Variants in HEATR9 observed in about 807,000 individuals in gnomAD.
HEATR9 encodes the protein HEAT repeat containing 9.
HEATR9 carries 54 observed loss-of-function variants against 68.2 expected under a neutral mutation model. The ratio of observed to expected loss-of-function variants is 0.79; its 90% CI spans 0.64 to 0.99. HEATR9 has a LOEUF of 0.99. Ranked by LOEUF, HEATR9 falls within the 50% of genes least tolerant of loss-of-function variation. HEATR9 has a pLI of 0.00. For missense variants in HEATR9, 662 were observed against 679.7 expected (o/e 0.97, Z 0.29); for synonymous variants, 241 against 253.5 (o/e 0.95, Z 0.47).
In HEATR9 at chr17:35,855,269, G is replaced by T. The variant is rs144205310; in HGVS notation, c.1507C>A (p.Pro503Thr). ...AAGTCTTGAATAGTTAACTCTTCTG[G>T]GTTCTCAGGCTCTTTCTGGAACCTT... ...PTRFQKEPEN[P>T]EELTIQDFRL... Residue 503 changes from proline (P) to threonine (T), a missense_variant, in exon 15 of 15, where the codon CCA becomes ACA. Physicochemically the swap from Pro to Thr is conservative, Grantham distance 38 (BLOSUM62 -1). Transcript: ENST00000604834. 2.0e-5 allele frequency: 32 copies of T among 1,614,132 alleles called. No individual in the cohort carries two copies. The highest frequency in any genetic ancestry group is 1.6e-4 in the Middle Eastern group (1 of 6,062).
chr17:35,861,330 G>A, intron 8 of HEATR9: 1 of 1,455,174 alleles, frequency 6.9e-7, no homozygotes, highest in Non-Finnish European at 9.6e-7. Flanking sequence ...GCTAGTATTT[G>A]ATAGGTTCAT....
intron 14 of HEATR9, 65 bp downstream of exon 14, chr17:35,855,599 T>A: frequency 1.4e-6 from 2 of 1,472,520 alleles, no homozygotes. Flanking sequence ...GGTGGTGAGA[T>A]AGGTGGGAGA....
intron 11 of HEATR9, among the ~76,000 whole-genome samples, chr17:35,857,209 G>C (rs2143884569): frequency 6.6e-6 from 1 of 152,274 alleles, no homozygotes; most frequent in Middle Eastern, 3.4e-3. Flanking sequence ...TCAGAGAGGT[G>C]ACCAAATGGA....
At chr17:35,859,685 C>T (rs899367587) in intron 8 of HEATR9, among the ~76,000 whole-genome samples, 1 of 152,242 alleles carries the variant, frequency 6.6e-6, no homozygotes, top group Non-Finnish European at 1.5e-5. Context: ...CAGTCCAACT[C>T]TCTACTTTGT....
chr17:35,866,267 A>G (rs986371618), intron 2 of HEATR9, among the ~76,000 whole-genome samples: 2 of 152,016 alleles, frequency 1.3e-5, no homozygotes, highest in African/African-American at 4.8e-5. Context: ...GCTCCCAAAC[A>G]AAAAAATACA....
chr17:35,861,443 T>C, intron 8 of HEATR9: 1 of 1,601,860 alleles, frequency 6.2e-7, no homozygotes, highest in South Asian at 1.1e-5. Context: ...TTGCGCTTCT[T>C]TTTAAAGTTT....
chr17:35,865,506 C>G, intron 2 of HEATR9, 110 bp from the exon 3 acceptor site: 2 of 720,790 alleles, frequency 2.8e-6, no homozygotes, highest in Non-Finnish European at 4.6e-6. Flanking sequence ...AACAGATGCC[C>G]TCTAGCCTCT....
intron 1 of HEATR9, 63 bp from the exon 2 acceptor site, chr17:35,866,836 G>A: frequency 1.3e-6 from 2 of 1,533,076 alleles, no homozygotes; most frequent in South Asian, 1.1e-5. Context: ...GGCCAGGCTT[G>A]GTGGCTTCTG....
intron 2 of HEATR9, 140 bp from the exon 3 acceptor site, chr17:35,865,536 G>T: frequency 1.6e-6 from 1 of 618,898 alleles, no homozygotes; most frequent in Non-Finnish European, 2.8e-6. Flanking sequence ...TGGAGTCACA[G>T]CTACCACCTA....
At chr17:35,863,700 A>C (rs1015183993) in intron 6 of HEATR9, 141 bp from the exon 7 acceptor site, 1 of 834,800 alleles carries the variant, frequency 1.2e-6, no homozygotes, top group South Asian at 1.6e-5. Flanking sequence ...TCAAATACAG[A>C]ATACAGCCAA....
At chr17:35,865,530 G>T in intron 2 of HEATR9, 134 bp from the exon 3 acceptor site, 1 of 632,576 alleles carries the variant, frequency 1.6e-6, no homozygotes, top group Non-Finnish European at 2.7e-6. Context: ...CTGAGCTGGA[G>T]TCACAGCTAC....
chr17:35,861,837 C>CTAGT (rs1247313617), intron 8 of HEATR9, among the ~76,000 whole-genome samples: 1 of 151,844 alleles, frequency 6.6e-6, no homozygotes, highest in Admixed American at 6.6e-5. Context: ...TCACCTCTAA[C>CTAGT]ATACTACATA....
In HEATR9 at chr17:35,854,995, T is replaced by G. The variant is rs1440089829; in HGVS notation, c.*68A>C. ...TTATTCACGGAAGATAAGTATAGAT[T>G]GTTTTCTCATGGGAGCCTGAGAAGC... On this transcript the variant is annotated 3_prime_UTR_variant, in exon 15 of 15. Transcript: ENST00000604834. 7.8e-7 allele frequency: 1 copy of G among 1,285,256 alleles called. No homozygotes were observed. Among genetic ancestry groups the G allele is most frequent in the Admixed American group, 2.0e-5 (1 of 48,908 alleles). The allele number at this position is 1,285,256 out of a possible 1,614,324, so 79.6% of individuals were successfully genotyped here. A position where few individuals can be genotyped will look rare whatever the true frequency, so the allele number is the denominator to read the frequency against.
At chr17:35,866,641 G>A (rs1303655224) in intron 2 of HEATR9, 83 bp downstream of exon 2, 9 of 1,305,248 alleles carry the variant, frequency 6.9e-6, no homozygotes, top group African/African-American at 1.5e-5. Context: ...GGTTCTGTGA[G>A]CTGGCTTTAA....
In HEATR9 at chr17:35,858,470, G is replaced by A. The variant is rs543384579; in HGVS notation, c.995C>T (p.Ala332Val). ...GGAAGAACACAGCTGGTCTAGGATG[G>A]CCTTGATGACTGGGGCTGAGTGCAC... is the stretch of plus-strand genomic sequence containing the variant. The part of the protein sequence containing the change: ...MHVHSAPVIK[A>V]ILDQLCSSSV... The change falls in exon 10 of 15, where the codon GCC (alanine) becomes GTC (valine). Residue 332 changes from alanine (A) to valine (V), a missense_variant. Transcript: ENST00000604834. 6.2e-7 allele frequency: 1 copy of A among 1,614,116 alleles called. No individual in the cohort carries two copies. Among genetic ancestry groups the A allele is most frequent in the South Asian group, 1.1e-5 (1 of 91,078 alleles).
chr17:35,858,382 AAC>A, intron 10 of HEATR9, 49 bp downstream of exon 10: 1 of 1,614,006 alleles, frequency 6.2e-7, no homozygotes. Context: ...TTCATCCCCT[AAC>A]CCTATCCTAG....
chr17:35,865,125 C>T (rs2088149574), intron 3 of HEATR9, 90 bp downstream of exon 3: 2 of 1,472,402 alleles, frequency 1.4e-6, no homozygotes, highest in Non-Finnish European at 1.9e-6. Flanking sequence ...GCTGACTTGC[C>T]TTACTCCCTG....
At chr17:35,855,617 A>T in intron 14 of HEATR9, 47 bp downstream of exon 14, 1 of 1,560,280 alleles carries the variant, frequency 6.4e-7, no homozygotes, top group Non-Finnish European at 8.8e-7. Context: ...AGAAGCTTGA[A>T]GGAGGGCTAG....
chr17:35,868,243 T>C (rs1234709964), intron 1 of HEATR9, among the ~76,000 whole-genome samples: 2 of 152,204 alleles, frequency 1.3e-5, no homozygotes, highest in Admixed American at 1.3e-4. Context: ...GAGGGGTACC[T>C]AACCTGGCTG....
Sources: allele counts gnomAD v4.1 joint callset (sites outside exome capture counted in the v4.1 genomes callset), GRCh38; gene constraint gnomAD v4.1.1; transcripts MANE v1.5; gene names NCBI Gene and HGNC (gene_info 2026-07-23, HGNC 2026-07-21).